The following KIF5C variants were observed in gnomAD, a reference collection of about 807,000 sequenced individuals.
KIF5C encodes kinesin family member 5C, also known as kinesin heavy chain isoform 5C.
Under a neutral mutation model 125.2 loss-of-function variants are expected in KIF5C, and 18 were observed. The ratio of observed to expected loss-of-function variants is 0.14; its 90% confidence interval spans 0.10 to 0.21. The LOEUF is 0.21. KIF5C is among the 10% of genes least tolerant of loss of function. KIF5C has a pLI of 1.00. For synonymous variants in KIF5C, 405 were observed against 434.0 expected (o/e 0.93, Z 0.83); for missense variants, 780 against 1,183.8 (o/e 0.66, Z 5.01).
intron 1 of KIF5C, chr2:148,884,152 A>T (rs1392935710): frequency 6.6e-6 from 1 of 152,198 alleles, no homozygotes; most frequent in Non-Finnish European, 1.5e-5. Context: ...CAGACTTTTA[A>T]TGTAAACCAT....
At chr2:148,998,281 T>C in intron 18 of KIF5C, 119 bp from the exon 19 acceptor site, 1 of 1,452,388 alleles carries the variant, frequency 6.9e-7, no homozygotes, top group Non-Finnish European at 9.2e-7. Context: ...ATGCCCCCAG[T>C]TTTGGGATCT....
At position 149,024,514 on chromosome 2, in the gene KIF5C, AAGTGTG is replaced by A. The variant is rs1481769041; in HGVS notation, c.*1445_*1450del. 76 of 94,338 alleles carry A rather than the reference AAGTGTG, an allele frequency of 8.1e-4. 1 individual carries two copies. The East Asian group carries it at 0.022, about 27-fold the overall frequency. The allele number at this position is 94,338 out of a possible 1,614,324, so 5.8% of individuals were successfully genotyped here. On this transcript the variant is annotated 3_prime_UTR_variant, in exon 26 of 26. Coordinates refer to ENST00000435030, the MANE Select transcript of KIF5C (RefSeq NM_004522.3). The stretch of plus-strand genomic sequence containing the variant: ...TGACTGTGTGGGTCGAAGGTAGCTC[AAGTGTG>A]TGTGTGTGTGTGTGTGTGTGTGTGT...
chr2:148,915,813 C>T (rs145312635), intron 1 of KIF5C, among the ~76,000 whole-genome samples: 88 of 152,286 alleles, frequency 5.8e-4, no homozygotes, highest in South Asian at 8.3e-4. Context: ...ATATAGAGTG[C>T]GCCATCACGT....
At chr2:148,936,369 T>C (rs1682291890) in intron 3 of KIF5C, among the ~76,000 whole-genome samples, 2 of 152,234 alleles carry the variant, frequency 1.3e-5, no homozygotes. Context: ...AGACTGTGTG[T>C]TTGTTCACTG....
In KIF5C at chr2:148,881,323, T is replaced by C. The variant is rs1304462523; in HGVS notation, c.126+5580T>C. On this transcript the variant is annotated intron_variant, in intron 1 of 25. Coordinates refer to ENST00000435030, the MANE Select transcript of KIF5C (RefSeq NM_004522.3). ...TTCTAACTATCCTTGAAGGCAAAAC[T>C]CATATTTCATTTAGCTCTAGACTAC... Among the ~76,000 whole-genome samples, 11 of 152,308 alleles carry C rather than the reference T, an allele frequency of 7.2e-5. No homozygotes were observed. The East Asian group carries it at 2.1e-3, about 29-fold the overall frequency.
intron 22 of KIF5C, among the ~76,000 whole-genome samples, 153 bp from the exon 23 acceptor site, chr2:149,007,810 G>C (rs1046315769): frequency 1.1e-4 from 16 of 151,934 alleles, no homozygotes; most frequent in African/African-American, 3.6e-4. Context: ...ATTAATTGGG[G>C]GATTTCTTGA....
intron 25 of KIF5C, among the ~76,000 whole-genome samples, chr2:149,012,824 C>A (rs1051228261): frequency 2.6e-5 from 4 of 152,230 alleles, no homozygotes; most frequent in East Asian, 1.9e-4. Context: ...GTGGGCCACC[C>A]CATTCCTATC....
chr2:148,997,544 G>T lies in KIF5C; in HGVS notation c.2100+204G>T, dbSNP rs1231927632. Reference sequence around the variant, plus strand: ...GTCCAGAAACCCCAAGATGTCTGTAGAGAATGGTTAAGTTGCGTTAATACC... The same window carrying T: ...GTCCAGAAACCCCAAGATGTCTGTATAGAATGGTTAAGTTGCGTTAATACC... On this transcript the variant is annotated intron_variant, in intron 18 of 25. Coordinates refer to ENST00000435030, the MANE Select transcript of KIF5C (RefSeq NM_004522.3). 9.8e-6 allele frequency: 9 copies of T among 922,914 alleles called. 1 individual carries two copies. In the East Asian group the frequency reaches 2.4e-4, roughly 25 times the overall value. The allele number at this position is 922,914 out of a possible 1,614,324, so 57.2% of individuals were successfully genotyped here. A position where few individuals can be genotyped will look rare whatever the true frequency, so the allele number is the denominator to read the frequency against.
chr2:148,980,659 A>C (rs1356148080), intron 13 of KIF5C, among the ~76,000 whole-genome samples: 1 of 150,708 alleles, frequency 6.6e-6, no homozygotes, highest in Admixed American at 6.6e-5. Flanking sequence ...CTTGGAAACG[A>C]CTCTCAGATC....
intron 1 of KIF5C, among the ~76,000 whole-genome samples, chr2:148,912,797 C>T (rs1302412620): frequency 6.6e-6 from 1 of 152,136 alleles, no homozygotes; most frequent in Non-Finnish European, 1.5e-5. Context: ...AGTTGGGCAA[C>T]CCACCATTGC....
chr2:148,888,423 T>C (rs894192566), intron 1 of KIF5C: 1 of 152,092 alleles, frequency 6.6e-6, no homozygotes, highest in Non-Finnish European at 1.5e-5. Flanking sequence ...GGGGGCCCTG[T>C]GGTGGGAGGC....
intron 7 of KIF5C, among the ~76,000 whole-genome samples, chr2:148,942,963 A>T (rs1267674569): frequency 1.3e-5 from 2 of 152,220 alleles, no homozygotes; most frequent in African/African-American, 4.8e-5. Flanking sequence ...TGCTGTCCAC[A>T]GGACTCTGAG....
intron 3 of KIF5C, among the ~76,000 whole-genome samples, chr2:148,936,949 C>T (rs1682304461): frequency 6.6e-6 from 1 of 152,184 alleles, no homozygotes; most frequent in Admixed American, 6.5e-5. Context: ...CTCGTTCCTT[C>T]TCCTGCTCCC....
rs2105112673 is a variant in KIF5C at position 148,949,537 on chromosome 2, C to T, written c.715-302C>T. On this transcript the variant is annotated intron_variant, in intron 8 of 25. Coordinates refer to ENST00000435030, the MANE Select transcript of KIF5C (RefSeq NM_004522.3). ...CCAGGGCCCGAGCTACCCATGGTGA[C>T]AGCACTTCTGGAGCCTGGTTTCCCT... is the stretch of plus-strand genomic sequence containing the variant. 1.3e-5 allele frequency among the ~76,000 whole-genome samples: 2 copies of T among 152,308 alleles called. 1 individual carries two copies. The highest frequency in any genetic ancestry group is 4.8e-5 in the African/African-American group (2 of 41,572).
intron 25 of KIF5C, 50 bp from the exon 26 acceptor site, chr2:149,023,027 TC>T (rs1056579104): frequency 2.2e-4 from 33 of 152,344 alleles, no homozygotes; most frequent in African/African-American, 7.7e-4. Flanking sequence ...GGAGTAAATT[TC>T]TACTGTGTTT....
At chr2:148,939,157 A>G (rs904742111) in intron 4 of KIF5C, among the ~76,000 whole-genome samples, 3 of 152,072 alleles carry the variant, frequency 2.0e-5, no homozygotes, top group South Asian at 2.1e-4. Flanking sequence ...AGTTATTGAT[A>G]AAACTAAGAA....
Position 149,025,625 on chromosome 2 carries a change from T to G in KIF5C, c.*2555T>G, listed in dbSNP as rs1462877920. ...ATTGTGTCTTTTTCTCCTCTATGAA[T>G]AATTTTATATTTCATGCTACTTCTT... On this transcript the variant is annotated 3_prime_UTR_variant, in exon 26 of 26. Transcript: ENST00000435030. The G allele has an allele frequency of 6.6e-6, 1 of 152,242 alleles. No homozygotes were observed. The highest frequency in any genetic ancestry group is 1.9e-4 in the East Asian group (1 of 5,204). The allele number at this position is 152,242 out of a possible 1,614,324, so 9.4% of individuals were successfully genotyped here.
At position 149,019,886 on chromosome 2, in the gene KIF5C, A is replaced by G. The variant is rs1410360292; in HGVS notation, c.*8-3192A>G. The stretch of plus-strand genomic sequence containing the variant: ...CATTAGCTTTCCCCACCCCTTCTAA[A>G]GAAAGGTGATTTTATTTCCTCCTAA... On this transcript the variant is annotated intron_variant, in intron 25 of 25. Coordinates refer to ENST00000435030, the MANE Select transcript of KIF5C (RefSeq NM_004522.3). 2.0e-5 allele frequency among the ~76,000 whole-genome samples: 3 copies of G among 152,314 alleles called. No homozygotes were observed. The East Asian group carries it at 5.8e-4, about 29-fold the overall frequency.
At chr2:148,877,603 G>A (rs576562828) in intron 1 of KIF5C, among the ~76,000 whole-genome samples, 2 of 152,378 alleles carry the variant, frequency 1.3e-5, no homozygotes, top group African/African-American at 4.8e-5. Context: ...GGGACATCTA[G>A]TCCCTGCCCC....
Sources: allele counts gnomAD v4.1 joint callset (sites outside exome capture counted in the v4.1 genomes callset), GRCh38; gene constraint gnomAD v4.1.1; transcripts MANE v1.5; gene names NCBI Gene and HGNC (gene_info 2026-07-23, HGNC 2026-07-21).